Variants in SEPTIN10 observed in about 807,000 individuals in gnomAD.
The protein encoded by SEPTIN10 is septin 10.
SEPTIN10 carries 66 observed loss-of-function variants against 54.8 expected under a neutral mutation model. The ratio of observed to expected loss-of-function variants is 1.21; its 90% CI spans 0.99 to 1.48. The LOEUF is 1.48. Ranked by LOEUF, SEPTIN10 falls within the 40% of genes most tolerant of loss-of-function variation. The pLI is 0.00. For missense variants in SEPTIN10, 620 were observed against 545.6 expected (o/e 1.14, Z -1.36); for synonymous variants, 161 against 181.0 (o/e 0.89, Z 0.89).
At chr2:109,574,974 C>T (rs976430082) in intron 4 of SEPTIN10, among the ~76,000 whole-genome samples, 5 of 152,168 alleles carry the variant, frequency 3.3e-5, no homozygotes, top group Admixed American at 6.5e-5. Context: ...GGGGTTATAT[C>T]CTGATAAATC....
chr2:109,585,617 T>C (rs2105786996), intron 3 of SEPTIN10, 104 bp downstream of exon 3: 4 of 864,656 alleles, frequency 4.6e-6, no homozygotes, highest in South Asian at 4.6e-5. Flanking sequence ...CCTGGGATCA[T>C]GATTTCAAAT....
At chr2:109,582,851 C>G (rs1011629699) in intron 4 of SEPTIN10, among the ~76,000 whole-genome samples, 1 of 152,100 alleles carries the variant, frequency 6.6e-6, no homozygotes, top group African/African-American at 2.4e-5. Context: ...TGGAATAGAA[C>G]AGAGAACCTA....
Position 109,567,859 on chromosome 2 carries a change from G to C in SEPTIN10, c.718C>G (p.Pro240Ala). Residue 240 changes from proline to alanine, a missense_variant, in exon 6 of 11, where the codon CCA becomes GCA. Physicochemically the swap from Pro to Ala is conservative, Grantham distance 27 (BLOSUM62 -1). Transcript: ENST00000397712. ...TTAGCAATAGTGTCATCATCCGTTG[G>C]GAACTGGTATATCTGGACGCCATTG... Reference protein sequence around the residue: ...VSNGVQIYQFPTDDDTIAKVN... With the variant: ...VSNGVQIYQFATDDDTIAKVN... 2 of 1,612,798 alleles carry C rather than the reference G, an allele frequency of 1.2e-6. No homozygotes were observed. The highest frequency in any genetic ancestry group is 1.7e-6 in the Non-Finnish European group (2 of 1,179,534).
intron 1 of SEPTIN10, 61 bp from the exon 2 acceptor site, chr2:109,593,180 T>A (rs1335650593): frequency 1.8e-6 from 2 of 1,089,822 alleles, no homozygotes; most frequent in East Asian, 5.0e-5. Flanking sequence ...AACCCCATTA[T>A]CTGAATAATA....
chr2:109,608,725 A>G (rs1224652846), intron 1 of SEPTIN10, among the ~76,000 whole-genome samples: 1 of 152,260 alleles, frequency 6.6e-6, no homozygotes, highest in Non-Finnish European at 1.5e-5. Context: ...TATGAGATAC[A>G]TGATTCCTCC....
intron 2 of SEPTIN10, among the ~76,000 whole-genome samples, chr2:109,592,698 TG>T (rs1489790906): frequency 6.7e-6 from 1 of 150,314 alleles, no homozygotes; most frequent in African/African-American, 2.5e-5. Context: ...GAGAATCGCT[TG>T]AACCCGGGAG....
chr2:109,599,151 C>T (rs143326237), intron 1 of SEPTIN10, among the ~76,000 whole-genome samples: 118 of 151,758 alleles, frequency 7.8e-4, no homozygotes, highest in Admixed American at 3.0e-3. Flanking sequence ...TTATTACAAC[C>T]CAGAAAAAAA....
Position 109,600,553 on chromosome 2 carries a change from C to A in SEPTIN10, c.31-7434G>T, listed in dbSNP as rs187497035. ...GCAATGAGTTGAAAAAAAAAAAAAA[C>A]CACAAACTGTTTTTCCTCTGCTCTC... On this transcript the variant is annotated intron_variant, in intron 1 of 10. Coordinates refer to ENST00000397712, the MANE Select transcript of SEPTIN10 (RefSeq NM_144710.5). Among the ~76,000 whole-genome samples, 956 of 148,952 alleles carry A rather than the reference C, an allele frequency of 6.4e-3. 8 individuals carry two copies. The highest frequency in any genetic ancestry group is 0.022 in the African/African-American group (893 of 40,856).
intron 1 of SEPTIN10, among the ~76,000 whole-genome samples, chr2:109,611,479 GA>G (rs200003636): frequency 3.4e-5 from 5 of 148,272 alleles, no homozygotes; most frequent in South Asian, 2.1e-4. Flanking sequence ...AAACCCAACA[GA>G]AAAAAAAAAT....
At chr2:109,613,760 G>C in intron 1 of SEPTIN10, 38 bp downstream of exon 1, 1 of 1,197,790 alleles carries the variant, frequency 8.3e-7, no homozygotes, top group Non-Finnish European at 1.0e-6. Context: ...GGGGGCCGGG[G>C]AGCGCGGGGC....
intron 1 of SEPTIN10, among the ~76,000 whole-genome samples, chr2:109,604,614 G>A (rs1034688422): frequency 2.7e-5 from 4 of 150,678 alleles, no homozygotes; most frequent in African/African-American, 9.8e-5. Flanking sequence ...GTAGTCCCAG[G>A]TACTCAAGAG....
At chr2:109,553,773 G>C (rs866078822) in intron 8 of SEPTIN10, among the ~76,000 whole-genome samples, 138 of 151,736 alleles carry the variant, frequency 9.1e-4, no homozygotes, top group African/African-American at 3.3e-3. Flanking sequence ...AGAATTGCTT[G>C]AGCCTAGGAG....
chr2:109,603,286 G>C (rs549472956), intron 1 of SEPTIN10, among the ~76,000 whole-genome samples: 25 of 151,766 alleles, frequency 1.6e-4, no homozygotes, highest in African/African-American at 6.0e-4. Flanking sequence ...CCAGGCTGGA[G>C]TGCAGTGGCG....
intron 1 of SEPTIN10, among the ~76,000 whole-genome samples, chr2:109,607,128 T>C (rs868331646): frequency 9.2e-4 from 140 of 152,330 alleles, no homozygotes; most frequent in African/African-American, 3.3e-3. Context: ...ATTGAGCTTT[T>C]TGTAAAAAGC....
chr2:109,605,966 T>C lies in SEPTIN10; in HGVS notation c.30+7832A>G, dbSNP rs1697841020. Among the ~76,000 whole-genome samples the C allele has an allele frequency of 2.0e-5, 3 of 152,176 alleles. No homozygotes were observed. The South Asian group carries it at 6.2e-4, about 32-fold the overall frequency. On this transcript the variant is annotated intron_variant, in intron 1 of 10. Coordinates refer to ENST00000397712, the MANE Select transcript of SEPTIN10 (RefSeq NM_144710.5). The stretch of plus-strand genomic sequence containing the variant: ...CAACAGATGCAAAATGCTGCATCAT[T>C]AAGAACTGCCAAAGCCTGGAATGAG...
At chr2:109,585,430 G>C (rs1692272222) in intron 3 of SEPTIN10, 109 bp from the exon 4 acceptor site, 1 of 934,674 alleles carries the variant, frequency 1.1e-6, no homozygotes, top group Non-Finnish European at 1.6e-6. Flanking sequence ...AAAGGCCAGG[G>C]TGCGCATGAA....
At chr2:109,564,579 C>A in intron 7 of SEPTIN10, 45 bp from the exon 8 acceptor site, 1 of 1,428,142 alleles carries the variant, frequency 7.0e-7, no homozygotes, top group Non-Finnish European at 9.3e-7. Context: ...GATTTTAATT[C>A]CTGGCACACA....
At chr2:109,571,662 G>C (rs928507185) in intron 5 of SEPTIN10, among the ~76,000 whole-genome samples, 1 of 152,174 alleles carries the variant, frequency 6.6e-6, no homozygotes, top group Non-Finnish European at 1.5e-5. Flanking sequence ...TGCACTGCAA[G>C]ACTGTCCTAC....
chr2:109,572,411 G>A (rs1356263059), intron 5 of SEPTIN10, among the ~76,000 whole-genome samples: 5 of 152,034 alleles, frequency 3.3e-5, no homozygotes, highest in Non-Finnish European at 5.9e-5. Flanking sequence ...GGGGTTACAG[G>A]CACGAGCCAC....
Sources: allele counts gnomAD v4.1 joint callset (sites outside exome capture counted in the v4.1 genomes callset), GRCh38; gene constraint gnomAD v4.1.1; transcripts MANE v1.5; gene names NCBI Gene and HGNC (gene_info 2026-07-23, HGNC 2026-07-21).